The following PPP4R4 variants were observed in gnomAD, a reference collection of about 807,000 sequenced individuals.
PPP4R4 encodes the protein protein phosphatase 4 regulatory subunit 4, also known as serine/threonine-protein phosphatase 4 regulatory subunit 4.
PPP4R4 carries 70 observed loss-of-function variants against 121.8 expected under a neutral mutation model. The ratio of observed to expected loss-of-function variants is 0.57; its 90% CI spans 0.47 to 0.70. The LOEUF is 0.70. Among genes scored for constraint, PPP4R4 ranks in the 30% least tolerant of loss-of-function variants. The pLI is 0.00. For synonymous variants in PPP4R4, 348 were observed against 355.7 expected (o/e 0.98, Z 0.24); for missense variants, 875 against 1,033.6 (o/e 0.85, Z 2.10).
At chr14:94,228,070 A>G (rs1252899673) in intron 3 of PPP4R4, among the ~76,000 whole-genome samples, 6 of 152,188 alleles carry the variant, frequency 3.9e-5, no homozygotes, top group African/African-American at 9.7e-5. Context: ...TTTGGTTGAA[A>G]AAACATGTAA....
chr14:94,278,687 T>C lies in PPP4R4; in HGVS notation c.*44T>C. The C allele has an allele frequency of 6.5e-7, 1 of 1,532,430 alleles. No individual in the cohort carries two copies. Among genetic ancestry groups the C allele is most frequent in the Non-Finnish European group, 8.8e-7 (1 of 1,133,798 alleles). The allele number at this position is 1,532,430 out of a possible 1,614,324, so 94.9% of individuals were successfully genotyped here. A position where few individuals can be genotyped will look rare whatever the true frequency, so the allele number is the denominator to read the frequency against. ...GAGGCAAAACAAAGGCAGCAGGAGA[T>C]AATGTGATTGGTACACAAAAGCTAA... On this transcript the variant is annotated 3_prime_UTR_variant, in exon 25 of 25. Transcript: ENST00000304338.
chr14:94,203,981 T>G (rs1890328571), intron 2 of PPP4R4, among the ~76,000 whole-genome samples: 1 of 152,208 alleles, frequency 6.6e-6, no homozygotes. Flanking sequence ...TCTCCCAGTC[T>G]GTGGCTTGTC....
intron 19 of PPP4R4, among the ~76,000 whole-genome samples, chr14:94,260,672 T>A (rs992173413): frequency 6.6e-6 from 1 of 152,134 alleles, no homozygotes; most frequent in Non-Finnish European, 1.5e-5. Flanking sequence ...AGTGGGTTGT[T>A]TATTATTGTT....
chr14:94,174,412 C>T lies in PPP4R4; in HGVS notation c.-54C>T. 3.5e-6 allele frequency: 5 copies of T among 1,411,994 alleles called. No individual in the cohort carries two copies. The highest frequency in any genetic ancestry group is 4.6e-6 in the Non-Finnish European group (5 of 1,079,906). The allele number at this position is 1,411,994 out of a possible 1,614,324, so 87.5% of individuals were successfully genotyped here. A position where few individuals can be genotyped will look rare whatever the true frequency, so the allele number is the denominator to read the frequency against. On this transcript the variant is annotated 5_prime_UTR_variant, in exon 1 of 25. Transcript: ENST00000304338. ...TGGTGGGCGGCCGCGGGGCTGAGGG[C>T]GTCCGGCATCCCGGGGCCGCTCCGG... is the stretch of plus-strand genomic sequence containing the variant.
At position 94,235,388 on chromosome 14, in the gene PPP4R4, C is replaced by CTTTTTTT. The variant is rs34881107; in HGVS notation, c.731+742_731+748dup. Reference sequence around the variant, plus strand: ...TGTTTGTTTTGTTGCTCTCCTTGTTCTTTTTTTTTTTTTTTTTTTTTTTTT... The same window carrying CTTTTTTT: ...TGTTTGTTTTGTTGCTCTCCTTGTTCTTTTTTTTTTTTTTTTTTTTTTTTTTTTTTTT... On this transcript the variant is annotated intron_variant, in intron 7 of 24. Coordinates refer to ENST00000304338, the MANE Select transcript of PPP4R4 (RefSeq NM_058237.2). Among the ~76,000 whole-genome samples the CTTTTTTT allele has an allele frequency of 1.1e-3, 54 of 50,804 alleles. 1 individual carries two copies. Among genetic ancestry groups the CTTTTTTT allele is most frequent in the African/African-American group, 2.9e-3 (32 of 10,872 alleles). 33.3% of individuals were successfully genotyped at this position (50,804 alleles called of 152,430 possible).
intron 2 of PPP4R4, among the ~76,000 whole-genome samples, chr14:94,189,505 G>A (rs1455304634): frequency 6.6e-6 from 1 of 152,160 alleles, no homozygotes; most frequent in Non-Finnish European, 1.5e-5. Context: ...ACAGACAGGA[G>A]CCACTGTATA....
intron 3 of PPP4R4, among the ~76,000 whole-genome samples, chr14:94,226,016 C>T (rs763972963): frequency 1.3e-5 from 2 of 152,138 alleles, no homozygotes; most frequent in African/African-American, 2.4e-5. Context: ...TTATCATTCA[C>T]ATCCATTAAC....
intron 2 of PPP4R4, among the ~76,000 whole-genome samples, chr14:94,193,982 A>T (rs1889734602): frequency 6.6e-6 from 1 of 152,222 alleles, no homozygotes; most frequent in Non-Finnish European, 1.5e-5. Flanking sequence ...ACCTGAATGA[A>T]AAAGTTTACC....
At chr14:94,194,029 A>T (rs1889736496) in intron 2 of PPP4R4, among the ~76,000 whole-genome samples, 1 of 152,234 alleles carries the variant, frequency 6.6e-6, no homozygotes, top group South Asian at 2.1e-4. Context: ...AAGAAAGACT[A>T]TAAAACTTAT....
intron 11 of PPP4R4, among the ~76,000 whole-genome samples, chr14:94,243,038 G>A (rs1000031417): frequency 6.6e-6 from 1 of 152,068 alleles, no homozygotes; most frequent in African/African-American, 2.4e-5. Flanking sequence ...AAAGCCTCTG[G>A]ATAAGTGGTA....
chr14:94,256,507 T>G lies in PPP4R4; in HGVS notation c.1913T>G (p.Ile638Ser). ...LLPKVKSTLKIPADKHLLQQL... is the reference protein window; with the variant it reads ...LLPKVKSTLKSPADKHLLQQL... The stretch of plus-strand genomic sequence containing the variant: ...CCCAAAGTGAAATCTACTCTGAAGA[T>G]TCCTGCTGATAAGCATCTACTTCAG... Residue 638 changes from isoleucine (I) to serine (S), a missense_variant, in exon 17 of 25, where the codon ATT becomes AGT. Physicochemically the swap from Ile to Ser is moderately radical, Grantham distance 142. Transcript: ENST00000304338. The G allele has an allele frequency of 1.2e-6, 2 of 1,603,442 alleles. No homozygotes were observed. Among genetic ancestry groups the G allele is most frequent in the South Asian group, 2.2e-5 (2 of 90,506 alleles).
rs766883754 is a variant in PPP4R4 at position 94,250,267 on chromosome 14, A to C, written c.1707A>C (p.Lys569Asn). ...KQEQRHEVIQ[K>N]LIEQLGQGKS... ...AACAGAGACATGAGGTCATTCAAAA[A>C]TTAATTGAACGTAAGTAATCATTGT... is the stretch of plus-strand genomic sequence containing the variant. The change falls in exon 15 of 25, where the codon AAA (lysine) becomes AAC (asparagine). Residue 569 changes from lysine (K) to asparagine (N), a missense_variant. Lys to Asn is a moderately conservative substitution (Grantham distance 94, BLOSUM62 0). Coordinates refer to ENST00000304338, the MANE Select transcript of PPP4R4 (RefSeq NM_058237.2). The C allele has an allele frequency of 3.1e-6, 5 of 1,596,352 alleles. No individual in the cohort carries two copies. In the South Asian group the frequency reaches 4.4e-5, roughly 14 times the overall value.
chr14:94,227,879 C>CT, intron 3 of PPP4R4: 2 of 985,016 alleles, frequency 2.0e-6, no homozygotes, highest in Non-Finnish European at 2.4e-6. Context: ...CACATCAAAT[C>CT]TTTTAAAAGT....
At chr14:94,225,852 G>A (rs938422275) in intron 3 of PPP4R4, among the ~76,000 whole-genome samples, 3 of 152,114 alleles carry the variant, frequency 2.0e-5, no homozygotes, top group Non-Finnish European at 2.9e-5. Context: ...TGACTGACTT[G>A]GGAGAAAAAA....
intron 8 of PPP4R4, among the ~76,000 whole-genome samples, chr14:94,238,015 C>T (rs956489433): frequency 3.9e-5 from 6 of 152,190 alleles, no homozygotes; most frequent in Non-Finnish European, 7.3e-5. Context: ...CATGCCACCT[C>T]GTAATCTGGC....
In PPP4R4 at chr14:94,232,959, G is replaced by A. The variant is rs182016368; in HGVS notation, c.517-694G>A. Among the ~76,000 whole-genome samples the A allele has an allele frequency of 6.3e-3, 964 of 152,186 alleles. 10 individuals carry two copies. The highest frequency in any genetic ancestry group is 0.021 in the African/African-American group (860 of 41,518). Reference sequence around the variant, plus strand: ...TGTAGTCCCAGCTACTCGGGAGGCTGAGGCAAGAGAATGGCGTGAACCCGG... The same window carrying A: ...TGTAGTCCCAGCTACTCGGGAGGCTAAGGCAAGAGAATGGCGTGAACCCGG... On this transcript the variant is annotated intron_variant, in intron 5 of 24. Transcript: ENST00000304338.
At chr14:94,240,843 T>A (rs1892592064) in intron 9 of PPP4R4, 48 bp downstream of exon 9, 2 of 1,440,140 alleles carry the variant, frequency 1.4e-6, no homozygotes, top group Non-Finnish European at 1.8e-6. Flanking sequence ...TTTTTCCCTT[T>A]TTTTTCTACC....
intron 2 of PPP4R4, among the ~76,000 whole-genome samples, chr14:94,195,178 C>T (rs2139414015): frequency 6.6e-6 from 1 of 152,246 alleles, no homozygotes; most frequent in Non-Finnish European, 1.5e-5. Context: ...TCCTTTTCCT[C>T]TTTTTTGTTT....
Position 94,176,083 on chromosome 14 carries a change from C to A in PPP4R4, c.147C>A (p.Val49=), listed in dbSNP as rs1181970834. 4.3e-6 allele frequency: 7 copies of A among 1,612,448 alleles called. No individual in the cohort carries two copies. The highest frequency in any genetic ancestry group is 3.3e-5 in the Admixed American group (2 of 60,000). Residue 49 remains valine, a synonymous_variant, in exon 2 of 25, where the codon GTC becomes GTA. Transcript: ENST00000304338. The stretch of plus-strand genomic sequence containing the variant: ...CGGAAGAAATAGAAAGATTGACAGT[C>A]GATGAAGACCTCAGTGATATTGAAA... ...KTPEEIERLT[V]DEDLSDIERA...
Sources: gnomAD v4.1 joint callset for allele counts (sites outside exome capture counted in the v4.1 genomes callset) on GRCh38, gnomAD v4.1.1 for gene constraint, MANE v1.5 for transcripts, NCBI Gene and HGNC (gene_info 2026-07-23, HGNC 2026-07-21) for gene names.